The following TNRC6A variants were observed in gnomAD, a reference collection of about 807,000 sequenced individuals.
The protein encoded by TNRC6A is trinucleotide repeat containing adaptor 6A, also known as trinucleotide repeat-containing gene 6A protein.
A neutral mutation model predicts 221.2 loss-of-function variants in TNRC6A; 44 were observed. The observed-to-expected ratio is 0.20, with a 90% CI of 0.16 to 0.26. The LOEUF (loss-of-function observed/expected upper bound fraction) is 0.26. Among genes scored for constraint, TNRC6A ranks in the 10% least tolerant of loss-of-function variants. The probability of loss-of-function intolerance (pLI) is 1.00; values close to 1 mark genes in which losing one functional copy is unlikely to be tolerated. For synonymous variants in TNRC6A, 847 were observed against 838.5 expected, an observed-to-expected ratio of 1.01 and a Z score of -0.18; for missense variants, 2,199 against 2,404.4, an observed-to-expected ratio of 0.91 and a Z score of 1.79.
At chr16:24,759,024 A>AT (rs1197667264) in intron 4 of TNRC6A, among the ~76,000 whole-genome samples, 6 of 152,150 alleles carry the variant, frequency 3.9e-5, no homozygotes. Context: ...AAGATTCTGA[A>AT]TTTTTATTTT....
At chr16:24,619,580 T>G (rs921125308) in intron 1 of TNRC6A, among the ~76,000 whole-genome samples, 2 of 152,088 alleles carry the variant, frequency 1.3e-5, no homozygotes, top group African/African-American at 2.4e-5. Context: ...AGAAATAAAA[T>G]TTTAGCTACA....
At chr16:24,786,312 GTTGTT>G (rs71383717) in intron 5 of TNRC6A, among the ~76,000 whole-genome samples, 24,251 of 151,182 alleles carry the variant, frequency 0.16, 2,036 homozygotes, top group Middle Eastern at 0.21. Context: ...TGTTGTTGTT[GTTGTT>G]TTGTTTTGTT....
Position 24,802,465 on chromosome 16 carries a change from C to T in TNRC6A, c.3695-1712C>T, listed in dbSNP as rs576776016. Reference sequence around the variant, plus strand: ...TCAGGAAGCTGAGGTGAGAGGATTGCTTGGGCCGGGGAGGCACAGGCTGCA... The same window carrying T: ...TCAGGAAGCTGAGGTGAGAGGATTGTTTGGGCCGGGGAGGCACAGGCTGCA... On this transcript the variant is annotated intron_variant, in intron 11 of 24. Transcript: ENST00000395799. Among the ~76,000 whole-genome samples the T allele has an allele frequency of 3.3e-5, 5 of 152,282 alleles. No individual in the cohort carries two copies. The East Asian group carries it at 5.8e-4, about 18-fold the overall frequency.
chr16:24,621,421 C>T (rs557026439), intron 1 of TNRC6A, among the ~76,000 whole-genome samples: 47 of 140,034 alleles, frequency 3.4e-4, no homozygotes, highest in Middle Eastern at 7.9e-3. Flanking sequence ...GGCAATGGTG[C>T]GATCTCGGCT....
intron 2 of TNRC6A, among the ~76,000 whole-genome samples, chr16:24,707,933 C>A (rs2056128070): frequency 6.6e-6 from 1 of 152,208 alleles, no homozygotes; most frequent in East Asian, 1.9e-4. Flanking sequence ...ATGACACGTG[C>A]CTGTAATCTC....
At chr16:24,768,206 C>T (rs1056390931) in intron 4 of TNRC6A, among the ~76,000 whole-genome samples, 2 of 151,786 alleles carry the variant, frequency 1.3e-5, no homozygotes, top group Admixed American at 6.6e-5. Context: ...CTGAGGCGGG[C>T]GGACCACGAG....
chr16:24,642,007 G>T (rs1901974787), intron 2 of TNRC6A, among the ~76,000 whole-genome samples: 1 of 152,212 alleles, frequency 6.6e-6, no homozygotes, highest in Non-Finnish European at 1.5e-5. Context: ...ATATTGATAG[G>T]TTGGGTTTGA....
chr16:24,706,071 C>T (rs954487432), intron 2 of TNRC6A, among the ~76,000 whole-genome samples: 8 of 152,198 alleles, frequency 5.3e-5, no homozygotes, highest in African/African-American at 1.4e-4. Context: ...GGAAGAAAAC[C>T]TTGTACTTAA....
chr16:24,814,363 C>T (rs2058608596), intron 18 of TNRC6A, among the ~76,000 whole-genome samples: 1 of 149,838 alleles, frequency 6.7e-6, no homozygotes, highest in South Asian at 2.1e-4. Context: ...TTTTCCCTTC[C>T]AAATTTACTC....
At position 24,805,109 on chromosome 16, in the gene TNRC6A, T is replaced by C. The variant is rs2058404035; in HGVS notation, c.4080T>C (p.Pro1360=). ...CACAACCTCTTAGTTCATCTCAGCC[T>C]AATCTCCGTGCTCAAGTGCCTCCTC... The part of the protein sequence containing the change: ...PPAQPLSSSQ[P]NLRAQVPPPL... The change falls in exon 14 of 25, where the codon CCT becomes CCC. Residue 1360 remains proline (P), a synonymous_variant. Transcript: ENST00000395799. 2 of 1,614,196 alleles carry C rather than the reference T, an allele frequency of 1.2e-6. No individual in the cohort carries two copies. The highest frequency in any genetic ancestry group is 1.7e-6 in the Non-Finnish European group (2 of 1,180,040).
intron 21 of TNRC6A, chr16:24,819,750 T>C (rs2058731417): frequency 4.6e-6 from 1 of 217,490 alleles, no homozygotes; most frequent in African/African-American, 2.4e-5. Flanking sequence ...CAGTCCTTTT[T>C]TCCCTGAGTA....
intron 8 of TNRC6A, among the ~76,000 whole-genome samples, chr16:24,795,041 C>T (rs1052268709): frequency 1.3e-5 from 2 of 152,120 alleles, no homozygotes; most frequent in Non-Finnish European, 2.9e-5. Flanking sequence ...TGACTCTTTC[C>T]ATCCCACTGC....
chr16:24,780,697 A>G (rs990549573), intron 5 of TNRC6A, among the ~76,000 whole-genome samples: 19 of 152,126 alleles, frequency 1.2e-4, no homozygotes, highest in Non-Finnish European at 2.1e-4. Context: ...CGCATTTCTT[A>G]AGGTGTATGA....
chr16:24,812,621 C>T (rs1022482252), intron 18 of TNRC6A, among the ~76,000 whole-genome samples: 5 of 152,180 alleles, frequency 3.3e-5, no homozygotes, highest in Non-Finnish European at 7.3e-5. Flanking sequence ...CTACATTACT[C>T]AGTACAGTAA....
chr16:24,660,728 C>CTTTTTTT (rs138458968), intron 2 of TNRC6A, among the ~76,000 whole-genome samples: 22 of 122,522 alleles, frequency 1.8e-4, no homozygotes, highest in East Asian at 4.8e-4. Flanking sequence ...TTTCTTTTTT[C>CTTTTTTT]TTTTTTTTTT....
At chr16:24,614,266 C>G (rs538130666) in intron 1 of TNRC6A, among the ~76,000 whole-genome samples, 27 of 152,330 alleles carry the variant, frequency 1.8e-4, no homozygotes, top group African/African-American at 6.0e-4. Flanking sequence ...TTGCTTGCAT[C>G]GTGTTTGCGA....
At position 24,663,591 on chromosome 16, in the gene TNRC6A, GA is replaced by G; in HGVS notation, n.402+22587del. 6 of 163,810 alleles carry G rather than the reference GA, an allele frequency of 3.7e-5. No homozygotes were observed. In the South Asian group the frequency reaches 4.9e-4, roughly 13 times the overall value. The allele number at this position is 163,810 out of a possible 1,614,324, so 10.1% of individuals were successfully genotyped here. On this transcript the variant is annotated intron_variant and non_coding_transcript_variant, in intron 2 of 2. Transcript: ENST00000566108. ...AAATAGATAAACAAAATCAGCAAAG[GA>G]AAAAGGTGCTCAGGGCAGAATCCAG...
chr16:24,681,460 T>G (rs1432550649), intron 2 of TNRC6A, among the ~76,000 whole-genome samples: 1 of 152,192 alleles, frequency 6.6e-6, no homozygotes, highest in Non-Finnish European at 1.5e-5. Flanking sequence ...ACTCCTGACC[T>G]CAAGTGATCC....
intron 18 of TNRC6A, among the ~76,000 whole-genome samples, chr16:24,809,868 C>T (rs1011729935): frequency 6.6e-6 from 1 of 152,218 alleles, no homozygotes; most frequent in Non-Finnish European, 1.5e-5. Flanking sequence ...GGCTGGAATG[C>T]ATTGGCATGA....
Sources: gnomAD v4.1 joint callset for allele counts (sites outside exome capture counted in the v4.1 genomes callset) on GRCh38, gnomAD v4.1.1 for gene constraint, MANE v1.5 for transcripts, NCBI Gene and HGNC (gene_info 2026-07-23, HGNC 2026-07-21) for gene names.